LTN1: variants seen among roughly 807,000 people sequenced by gnomAD.
The protein encoded by LTN1 is E3 ubiquitin-protein ligase listerin.
Under a neutral mutation model 201.2 loss-of-function variants are expected in LTN1, and 88 were observed. The observed-to-expected ratio is 0.44, with a 90% confidence interval of 0.37 to 0.52. The LOEUF (loss-of-function observed/expected upper bound fraction) is 0.52. Ranked by LOEUF, LTN1 falls within the 20% of genes least tolerant of loss-of-function variation. The pLI is 0.00. For synonymous variants in LTN1, 645 were observed against 713.5 expected, an observed-to-expected ratio of 0.90 and a Z score of 1.53; for missense variants, 1,752 against 2,038.7, an observed-to-expected ratio of 0.86 and a Z score of 2.71.
intron 1 of LTN1, among the ~76,000 whole-genome samples, chr21:28,992,525 G>A (rs1199026215): frequency 6.6e-6 from 1 of 152,144 alleles, no homozygotes; most frequent in Non-Finnish European, 1.5e-5. Context: ...AATATTATGG[G>A]TGTGTGCTCG....
In LTN1 at chr21:28,947,586, C is replaced by A; in HGVS notation, c.3365G>T (p.Gly1122Val). 1 of 1,559,944 alleles carries A rather than the reference C, an allele frequency of 6.4e-7. No individual in the cohort carries two copies. Among genetic ancestry groups the A allele is most frequent in the Non-Finnish European group, 8.6e-7 (1 of 1,162,830 alleles). Residue 1122 changes from glycine (G) to valine (V), a missense_variant, in exon 19 of 30, where the codon GGC becomes GTC. Around this residue, in one of 3 missense-constraint regions of LTN1, gnomAD observed 1,211 missense variants for 1,312.8 expected, o/e 0.92. Coordinates refer to ENST00000361371, the MANE Select transcript of LTN1 (RefSeq NM_015565.3). ...TAGACTTTGAATGGTATGCAAATTG[C>A]CTTCAGTTAGTGGAAAAAAACTGTT... is the stretch of plus-strand genomic sequence containing the variant. ...RKESFFPLTE[G>V]NLHTIQSLCP...
At chr21:28,964,003 A>G (rs887713789) in intron 11 of LTN1, among the ~76,000 whole-genome samples, 1 of 152,192 alleles carries the variant, frequency 6.6e-6, no homozygotes, top group Non-Finnish European at 1.5e-5. Flanking sequence ...TGGATGGATG[A>G]GGAGTTCCTT....
In LTN1 at chr21:28,932,573, T is replaced by A. The variant is rs753876250; in HGVS notation, c.4967A>T (p.Tyr1656Phe). The part of the protein sequence containing the change: ...IELIIQLPSN[Y>F]PLGSIIVESG... ...TTCTACTATTATTGAACCCAGTGGA[T>A]AATTTGAAGGCAGTTGTATTATAAG... Residue 1656 changes from tyrosine (Y) to phenylalanine (F), a missense_variant, in exon 28 of 30, where the codon TAT becomes TTT. Coordinates refer to ENST00000361371, the MANE Select transcript of LTN1 (RefSeq NM_015565.3). The A allele has an allele frequency of 8.7e-6, 14 of 1,613,480 alleles. No individual in the cohort carries two copies. Among genetic ancestry groups the A allele is most frequent in the Middle Eastern group, 3.3e-4 (2 of 6,080 alleles).
intron 6 of LTN1, among the ~76,000 whole-genome samples, chr21:28,978,816 A>G (rs531173824): frequency 2.6e-5 from 4 of 152,232 alleles, no homozygotes; most frequent in African/African-American, 9.6e-5. Flanking sequence ...AACTCCAAAG[A>G]AGGAAAAATG....
chr21:28,960,678 A>G lies in LTN1; in HGVS notation c.2192T>C (p.Leu731Ser). Residue 731 changes from leucine (L) to serine (S), a missense_variant, in exon 12 of 30, where the codon TTA (leucine) becomes TCA (serine). Coordinates refer to ENST00000361371, the MANE Select transcript of LTN1 (RefSeq NM_015565.3). ...KACPSSDKHA[L>S]VTPWLKGDIL... Reference sequence around the variant, plus strand: ...ATCGCCTTTGAGCCAAGGAGTTACTAAAGCATGTTTATCTGAACTAGGACA... The same window carrying G: ...ATCGCCTTTGAGCCAAGGAGTTACTGAAGCATGTTTATCTGAACTAGGACA... The G allele has an allele frequency of 6.2e-7, 1 of 1,613,912 alleles. No individual in the cohort carries two copies.
chr21:28,933,552 T>C (rs574874234), intron 27 of LTN1, among the ~76,000 whole-genome samples: 26 of 152,318 alleles, frequency 1.7e-4, no homozygotes, highest in Admixed American at 5.2e-4. Context: ...CTATTCACCC[T>C]TGGGACTCCT....
In LTN1 at chr21:28,969,413, G is replaced by GCT; in HGVS notation, c.1311+52_1311+53insAG. 2.0e-6 allele frequency: 3 copies of GCT among 1,464,446 alleles called. No individual in the cohort carries two copies. The South Asian group carries it at 4.1e-5, about 20-fold the overall frequency. 90.7% of individuals were successfully genotyped at this position (1,464,446 alleles called of 1,614,324 possible). On this transcript the variant is annotated intron_variant, in intron 9 of 29. Transcript: ENST00000361371. ...AATGGCAACAAGACACAATGAGCTT[G>GCT]ATCCTACATAATCAGTATGCAAAGA...
Position 28,966,369 on chromosome 21 carries a change from C to T in LTN1, c.2121+1G>A. 1 of 1,596,250 alleles carries T rather than the reference C, an allele frequency of 6.3e-7. No homozygotes were observed. Among genetic ancestry groups the T allele is most frequent in the South Asian group, 1.1e-5 (1 of 88,088 alleles). On this transcript the variant is annotated splice_donor_variant, in intron 10 of 29. Coordinates refer to ENST00000361371, the MANE Select transcript of LTN1 (RefSeq NM_015565.3). LOFTEE classifies it high-confidence loss of function. ...TTTGAAAAGATATACAACAGGAATACCTTGGTTAGATCATCCAAGACTTTT... is the reference window on the plus strand; with the variant it reads ...TTTGAAAAGATATACAACAGGAATATCTTGGTTAGATCATCCAAGACTTTT...
At chr21:28,940,739 G>T (rs2243503) in intron 25 of LTN1, among the ~76,000 whole-genome samples, 30,494 of 152,136 alleles carry the variant, frequency 0.2, 4,613 homozygotes, top group African/African-American at 0.41. Flanking sequence ...TTGCTTGGAA[G>T]GTAAGGTATA....
At chr21:28,974,724 C>T (rs1375461084) in intron 6 of LTN1, among the ~76,000 whole-genome samples, 2 of 152,176 alleles carry the variant, frequency 1.3e-5, no homozygotes, top group South Asian at 2.1e-4. Flanking sequence ...AAAGGAACCC[C>T]TATATTCTGT....
chr21:28,957,626 CACACCA>C, intron 14 of LTN1, 150 bp from the exon 15 acceptor site: 2 of 436,246 alleles, frequency 4.6e-6, no homozygotes, highest in Non-Finnish European at 7.8e-6. Context: ...CCACCGATGA[CACACCA>C]ACATAACAGT....
intron 6 of LTN1, among the ~76,000 whole-genome samples, chr21:28,972,838 A>T (rs1369678019): frequency 1.3e-5 from 2 of 152,228 alleles, no homozygotes; most frequent in Non-Finnish European, 2.9e-5. Flanking sequence ...AGCAGGATAC[A>T]TAAAGGAAAT....
In LTN1 at chr21:28,970,731, A is replaced by G; in HGVS notation, c.996T>C (p.Leu332=). Residue 332 remains leucine (L), a synonymous_variant, in exon 8 of 30, where the codon CTT becomes CTC. Transcript: ENST00000361371. ...YTLTTIEDCW[L]HVNAKKSVFP... is the part of the protein sequence containing the mutation. ...ACACACTCTTTTTTGCATTTACATG[A>G]AGCCAACAGTCCTAACCAAACAAAA... The G allele has an allele frequency of 6.2e-7, 1 of 1,613,594 alleles. No individual in the cohort carries two copies.
intron 9 of LTN1, 114 bp from the exon 10 acceptor site, chr21:28,967,293 A>C (rs1255888314): frequency 2.7e-6 from 2 of 743,844 alleles, no homozygotes; most frequent in African/African-American, 1.8e-5. Context: ...TCATAAGCTA[A>C]TGGGTTGATT....
intron 6 of LTN1, among the ~76,000 whole-genome samples, chr21:28,977,469 G>A (rs1207062871): frequency 6.6e-6 from 1 of 151,890 alleles, no homozygotes; most frequent in Non-Finnish European, 1.5e-5. Context: ...GCTCATGCCT[G>A]TAATCCCAAA....
intron 18 of LTN1, among the ~76,000 whole-genome samples, chr21:28,948,445 T>C (rs1024482192): frequency 6.6e-6 from 1 of 151,390 alleles, no homozygotes; most frequent in African/African-American, 2.4e-5. Flanking sequence ...AACTTTTTTT[T>C]TTCATTTAGT....
chr21:28,979,106 C>G (rs112391123), intron 6 of LTN1, among the ~76,000 whole-genome samples: 4 of 152,196 alleles, frequency 2.6e-5, no homozygotes, highest in Admixed American at 6.5e-5. Context: ...CAGCTGAATG[C>G]TGCCTAGTGA....
At position 28,950,656 on chromosome 21, in the gene LTN1, C is replaced by T. The variant is rs1339850467; in HGVS notation, c.3344+1504G>A. 4.6e-5 allele frequency among the ~76,000 whole-genome samples: 7 copies of T among 152,120 alleles called. No individual in the cohort carries two copies. The East Asian group carries it at 9.6e-4, about 21-fold the overall frequency. ...TCAGCCTCCTGAGTAGCTGCAACTA[C>T]AGGTGCACACCACCACACCTAGCTA... is the stretch of plus-strand genomic sequence containing the variant. On this transcript the variant is annotated intron_variant, in intron 18 of 29. Coordinates refer to ENST00000361371, the MANE Select transcript of LTN1 (RefSeq NM_015565.3).
intron 4 of LTN1, among the ~76,000 whole-genome samples, chr21:28,983,805 T>C (rs925783898): frequency 6.6e-6 from 1 of 152,206 alleles, no homozygotes; most frequent in East Asian, 1.9e-4. Context: ...ATAGATTTTT[T>C]AAAAAATTAT....
Sources: allele counts gnomAD v4.1 joint callset (sites outside exome capture counted in the v4.1 genomes callset), GRCh38; gene constraint gnomAD v4.1.1; regional missense constraint gnomAD v4.1.1; transcripts MANE v1.5; gene names NCBI Gene and HGNC (gene_info 2026-07-23, HGNC 2026-07-21).